Variants in DNER observed in about 807,000 individuals in gnomAD.
The protein encoded by DNER is delta/notch like EGF repeat containing, also known as delta and Notch-like epidermal growth factor-related receptor.
In DNER, 33 loss-of-function variants were observed where a neutral mutation model predicts 78.2. That is an observed-to-expected ratio of 0.42 (90% CI 0.32 to 0.56). The LOEUF (loss-of-function observed/expected upper bound fraction) is 0.56. DNER is among the 20% of genes least tolerant of loss of function. DNER has a pLI of 0.11. For synonymous variants in DNER, 417 were observed against 384.8 expected (o/e 1.08, Z -0.98); for missense variants, 918 against 975.3 (o/e 0.94, Z 0.78).
chr2:229,539,778 A>G lies in DNER; in HGVS notation c.993+7169T>C, dbSNP rs145184815. Among the ~76,000 whole-genome samples, 1,304 of 152,266 alleles carry G rather than the reference A, an allele frequency of 8.6e-3. 12 individuals are homozygous for G. The highest frequency in any genetic ancestry group is 0.015 in the Non-Finnish European group (988 of 68,014). On this transcript the variant is annotated intron_variant, in intron 5 of 12. Transcript: ENST00000341772. Reference sequence around the variant, plus strand: ...GAAGAGCTCACCTTCCGAGATTCCAAAGGAGGTTCTCCATGATCTCACATC... The same window carrying G: ...GAAGAGCTCACCTTCCGAGATTCCAGAGGAGGTTCTCCATGATCTCACATC...
chr2:229,668,522 G>A (rs1699140687), intron 1 of DNER, among the ~76,000 whole-genome samples: 2 of 89,358 alleles, frequency 2.2e-5, no homozygotes, highest in African/African-American at 6.0e-5. Flanking sequence ...AAGTATGTGT[G>A]TGTGTGTGTG....
At chr2:229,656,822 A>G (rs1375631075) in intron 1 of DNER, among the ~76,000 whole-genome samples, 1 of 152,186 alleles carries the variant, frequency 6.6e-6, no homozygotes, top group Non-Finnish European at 1.5e-5. Flanking sequence ...AAAAACATGA[A>G]GGCAATGATT....
chr2:229,609,627 C>A (rs2154215128), intron 1 of DNER, among the ~76,000 whole-genome samples: 1 of 152,250 alleles, frequency 6.6e-6, no homozygotes, highest in Admixed American at 6.5e-5. Flanking sequence ...AGTTTGCTAA[C>A]CCCTGCACTA....
intron 4 of DNER, among the ~76,000 whole-genome samples, chr2:229,580,775 T>C (rs1697377933): frequency 6.6e-6 from 1 of 152,210 alleles, no homozygotes; most frequent in Admixed American, 6.5e-5. Flanking sequence ...CTGAGTTCTC[T>C]GATCCAAAGG....
chr2:229,409,931 T>G (rs1453351158), intron 9 of DNER, among the ~76,000 whole-genome samples: 1 of 152,096 alleles, frequency 6.6e-6, no homozygotes, highest in East Asian at 1.9e-4. Flanking sequence ...GCTAAAAACT[T>G]TAAACACGGA....
At chr2:229,570,736 A>G (rs1418479130) in intron 4 of DNER, among the ~76,000 whole-genome samples, 5 of 151,748 alleles carry the variant, frequency 3.3e-5, no homozygotes, top group Non-Finnish European at 4.4e-5. Flanking sequence ...GTTGTATAAG[A>G]GTGGAGGTTA....
intron 3 of DNER, 83 bp downstream of exon 3, chr2:229,588,311 C>T: frequency 7.8e-7 from 1 of 1,282,850 alleles, no homozygotes; most frequent in Non-Finnish European, 1.1e-6. Context: ...AGGCCACTTA[C>T]ACACCAGGTC....
chr2:229,685,249 CTG>C (rs1559208881), intron 1 of DNER, among the ~76,000 whole-genome samples: 1 of 121,058 alleles, frequency 8.3e-6, no homozygotes, highest in African/African-American at 3.3e-5. Flanking sequence ...ATTATTAAAA[CTG>C]TTCTGTTTTA....
chr2:229,382,624 C>T (rs1262477010), intron 11 of DNER, among the ~76,000 whole-genome samples: 2 of 151,536 alleles, frequency 1.3e-5, no homozygotes, highest in African/African-American at 2.4e-5. Context: ...GAAGCATACA[C>T]AAGTATCAAT....
intron 12 of DNER, among the ~76,000 whole-genome samples, chr2:229,361,290 C>T (rs532383034): frequency 3.1e-4 from 47 of 151,662 alleles, no homozygotes; most frequent in Admixed American, 1.8e-3. Context: ...CATTTTCATG[C>T]AAGTGTTCAT....
chr2:229,467,197 C>T (rs1001568084), intron 7 of DNER, among the ~76,000 whole-genome samples: 5 of 152,104 alleles, frequency 3.3e-5, no homozygotes, highest in African/African-American at 9.7e-5. Flanking sequence ...AACATGACAA[C>T]TTCTTCATAG....
At chr2:229,604,250 G>A (rs1269829027) in intron 1 of DNER, among the ~76,000 whole-genome samples, 4 of 152,162 alleles carry the variant, frequency 2.6e-5, no homozygotes, top group Admixed American at 6.5e-5. Context: ...TAGGACAAAT[G>A]ACATGCTCTT....
intron 5 of DNER, among the ~76,000 whole-genome samples, chr2:229,517,155 T>C (rs917169893): frequency 1.2e-4 from 18 of 150,246 alleles, no homozygotes; most frequent in African/African-American, 4.2e-4. Context: ...AGGAAACTTC[T>C]AGGTTAGAAA....
intron 6 of DNER, among the ~76,000 whole-genome samples, chr2:229,504,364 C>CA: frequency 6.6e-6 from 1 of 152,240 alleles, no homozygotes; most frequent in Non-Finnish European, 1.5e-5. Flanking sequence ...AGATTACAGG[C>CA]ACCCACCACC....
chr2:229,423,721 C>G (rs987367234), intron 8 of DNER, among the ~76,000 whole-genome samples: 2 of 151,796 alleles, frequency 1.3e-5, no homozygotes, highest in Admixed American at 1.3e-4. Context: ...AAACACTTCA[C>G]AAGAACAACA....
At chr2:229,443,906 C>T (rs1160899039) in intron 8 of DNER, among the ~76,000 whole-genome samples, 1 of 152,138 alleles carries the variant, frequency 6.6e-6, no homozygotes, top group African/African-American at 2.4e-5. Context: ...GTTAAGATGC[C>T]TTTTTTATTT....
chr2:229,640,717 C>T (rs1194680910), intron 1 of DNER, among the ~76,000 whole-genome samples: 1 of 152,156 alleles, frequency 6.6e-6, no homozygotes, highest in Non-Finnish European at 1.5e-5. Context: ...GCAGAGGGTT[C>T]ACTGGAGCCA....
chr2:229,363,353 C>A (rs192685743), intron 12 of DNER, among the ~76,000 whole-genome samples: 165 of 152,252 alleles, frequency 1.1e-3, no homozygotes, highest in Admixed American at 3.8e-3. Context: ...GTGAGACAGC[C>A]CATAAAATGG....
At chr2:229,633,177 C>A (rs1216798518) in intron 1 of DNER, among the ~76,000 whole-genome samples, 1 of 152,162 alleles carries the variant, frequency 6.6e-6, no homozygotes, top group African/African-American at 2.4e-5. Context: ...TTCAGGACAA[C>A]TGAATGTATG....
Sources: allele counts gnomAD v4.1 joint callset (sites outside exome capture counted in the v4.1 genomes callset), GRCh38; gene constraint gnomAD v4.1.1; transcripts MANE v1.5; gene names NCBI Gene and HGNC (gene_info 2026-07-23, HGNC 2026-07-21).